RBM33: variants seen among roughly 807,000 people sequenced by gnomAD.
The protein encoded by RBM33 is RNA-binding protein 33.
RBM33 carries 28 observed loss-of-function variants against 132.6 expected under a neutral mutation model. The ratio of observed to expected loss-of-function variants is 0.21; its 90% CI spans 0.16 to 0.29. RBM33 has a LOEUF of 0.29. RBM33 is among the 10% of genes least tolerant of loss of function. The pLI, the probability that RBM33 is intolerant of heterozygous loss-of-function variation, is 1.00. For synonymous variants in RBM33, 634 were observed against 593.0 expected (o/e 1.07, Z -1.01); for missense variants, 1,291 against 1,518.5 (o/e 0.85, Z 2.49).
rs529309408 is a variant in RBM33 at position 155,745,952 on chromosome 7, C to A, written c.2979+350C>A. 2.0e-5 allele frequency among the ~76,000 whole-genome samples: 3 copies of A among 152,110 alleles called. No homozygotes were observed. Among genetic ancestry groups the A allele is most frequent in the Non-Finnish European group, 4.4e-5 (3 of 68,034 alleles). On this transcript the variant is annotated intron_variant, in intron 14 of 17. Transcript: ENST00000401878. The surrounding 1 kb of genome is among the most constrained non-coding windows in gnomAD (Gnocchi z 4.1). Reference sequence around the variant, plus strand: ...TGCTGAATACTATAGGCAGTTGTCACACAATGATGAGTAGTTGTGTGTCGA... The same window carrying A: ...TGCTGAATACTATAGGCAGTTGTCAAACAATGATGAGTAGTTGTGTGTCGA...
Position 155,737,265 on chromosome 7 carries a change from T to TGTGTGA in RBM33, c.1261-264_1261-263insTGTGAG, listed in dbSNP as rs1563167671. Among the ~76,000 whole-genome samples the TGTGTGA allele has an allele frequency of 6.6e-5, 10 of 150,656 alleles. No individual in the cohort carries two copies. In the East Asian group the frequency reaches 1.6e-3, roughly 24 times the overall value. ...GTGCGCGTGTGTGTGTGTGTGTGTG[T>TGTGTGA]GATTACAATACACTCTGTGGTGTTC... On this transcript the variant is annotated intron_variant, in intron 9 of 17. Transcript: ENST00000401878.
chr7:155,716,304 T>C (rs1390582313), intron 8 of RBM33, among the ~76,000 whole-genome samples: 1 of 143,788 alleles, frequency 7.0e-6, no homozygotes, highest in Non-Finnish European at 1.5e-5. Flanking sequence ...CAGCTGTTTT[T>C]CCTTTTCTGC....
At chr7:155,752,976 TGTGTGTCCAG>T (rs1236935319) in intron 14 of RBM33, among the ~76,000 whole-genome samples, 7 of 152,294 alleles carry the variant, frequency 4.6e-5, no homozygotes, top group Admixed American at 1.3e-4. Flanking sequence ...GGTCTTTTTT[TGTGTGTCCAG>T]GATGTAAGGC....
At chr7:155,726,494 T>A (rs2117005475) in intron 9 of RBM33, among the ~76,000 whole-genome samples, 1 of 152,294 alleles carries the variant, frequency 6.6e-6, no homozygotes, top group South Asian at 2.1e-4. Context: ...GAATAATAAT[T>A]TCTTACCTTG....
At position 155,738,151 on chromosome 7, in the gene RBM33, C is replaced by T. The variant is rs1801190064; in HGVS notation, c.1485C>T (p.Ser495=). The change falls in exon 11 of 18, where the codon AGC becomes AGT. Residue 495 remains serine (S), a synonymous_variant. Coordinates refer to ENST00000401878, the MANE Select transcript of RBM33 (RefSeq NM_053043.3). ...PPPPPTLLNS[S]HPVPTQSPLP... is the part of the protein sequence containing the mutation. ...CGCCTCCTACCCTTCTTAACAGTAG[C>T]CATCCTGTTCCTACTCAGAGTCCTC... 6.8e-6 allele frequency: 11 copies of T among 1,613,924 alleles called. No homozygotes were observed. The highest frequency in any genetic ancestry group is 1.6e-4 in the Middle Eastern group (1 of 6,062).
chr7:155,716,332 T>TTTTTTTTTTTTA (rs1554477955), intron 8 of RBM33, among the ~76,000 whole-genome samples: 5 of 149,934 alleles, frequency 3.3e-5, no homozygotes, highest in South Asian at 2.1e-4. Context: ...TTTTTTTTTT[T>TTTTTTTTTTTTA]AAATAGGGAA....
At chr7:155,752,053 T>A (rs543375631) in intron 14 of RBM33, among the ~76,000 whole-genome samples, 1 of 152,252 alleles carries the variant, frequency 6.6e-6, no homozygotes, top group Non-Finnish European at 1.5e-5. Flanking sequence ...GATTTTAGAA[T>A]TGTACCAGAT....
chr7:155,676,820 C>G (rs777339033), intron 3 of RBM33, among the ~76,000 whole-genome samples: 2 of 152,212 alleles, frequency 1.3e-5, no homozygotes, highest in Non-Finnish European at 2.9e-5. Context: ...TGCTTATCAC[C>G]TCCTGTGTCT....
intron 8 of RBM33, among the ~76,000 whole-genome samples, chr7:155,715,064 T>C (rs115625727): frequency 6.6e-6 from 1 of 151,990 alleles, no homozygotes; most frequent in African/African-American, 2.4e-5. Flanking sequence ...TCCCCCAAAG[T>C]TTTTCCCACC....
At position 155,673,940 on chromosome 7, in the gene RBM33, G is replaced by GTTTTTTTTTTTTT. The variant is rs71186053; in HGVS notation, c.171+1045_171+1057dup. 4.8e-4 allele frequency among the ~76,000 whole-genome samples: 26 copies of GTTTTTTTTTTTTT among 54,192 alleles called. 1 individual carries two copies. The highest frequency in any genetic ancestry group is 2.0e-3 in the East Asian group (3 of 1,480). 35.6% of individuals were successfully genotyped at this position (54,192 alleles called of 152,430 possible). On this transcript the variant is annotated intron_variant, in intron 3 of 17. Transcript: ENST00000401878. ...TCATTATCAAGATAGTTTAGGCTTAGTTTTTTTTTTTTTTTTTTTTTTTTT... is the reference window on the plus strand; with the variant it reads ...TCATTATCAAGATAGTTTAGGCTTAGTTTTTTTTTTTTTTTTTTTTTTTTTTTTTTTTTTTTTT...
intron 1 of RBM33, among the ~76,000 whole-genome samples, chr7:155,657,612 A>G (rs1183731266): frequency 6.6e-6 from 1 of 152,118 alleles, no homozygotes. Flanking sequence ...ACCTCAAGCA[A>G]TCCTCGCTTC....
intron 14 of RBM33, among the ~76,000 whole-genome samples, chr7:155,756,196 C>T (rs946691285): frequency 6.6e-6 from 1 of 152,184 alleles, no homozygotes; most frequent in African/African-American, 2.4e-5. Context: ...TAACAGCCTT[C>T]TAAAATTCAA....
chr7:155,684,910 G>T (rs750216016), intron 5 of RBM33: 1 of 1,544,946 alleles, frequency 6.5e-7, no homozygotes, highest in South Asian at 1.2e-5. Context: ...AGAAAAACTT[G>T]TTTTCTCTTT....
rs117413469 is a variant in RBM33, at chr7:155,718,297, A to G, written c.1202-88A>G. 5,003 of 974,334 alleles carry G rather than the reference A, an allele frequency of 5.1e-3. 29 individuals carry two copies. The highest frequency in any genetic ancestry group is 6.4e-3 in the Non-Finnish European group (3,807 of 597,992). The allele number at this position is 974,334 out of a possible 1,614,324, so 60.4% of individuals were successfully genotyped here. A position where few individuals can be genotyped will look rare whatever the true frequency, so the allele number is the denominator to read the frequency against. On this transcript the variant is annotated intron_variant, in intron 8 of 17. Coordinates refer to ENST00000401878, the MANE Select transcript of RBM33 (RefSeq NM_053043.3). Reference sequence around the variant, plus strand: ...ATTATATGTCTGGTACGCATAGTATATATTTTATATTAAACTTCATATGTT... The same window carrying G: ...ATTATATGTCTGGTACGCATAGTATGTATTTTATATTAAACTTCATATGTT...
In RBM33 at chr7:155,644,670, C is replaced by T; in HGVS notation, c.-207C>T. On this transcript the variant is annotated 5_prime_UTR_variant, in exon 1 of 18. Transcript: ENST00000401878. ...CAGGGTGCACCGCGGCGGGCGCGGG[C>T]GCGCGGCCATGTTGCGGTAGTTTGT... 2.4e-6 allele frequency: 1 copy of T among 420,742 alleles called. No homozygotes were observed. The highest frequency in any genetic ancestry group is 4.2e-6 in the Non-Finnish European group (1 of 238,258). The allele number at this position is 420,742 out of a possible 1,614,324, so 26.1% of individuals were successfully genotyped here.
chr7:155,705,801 G>A (rs1800095547), intron 6 of RBM33, among the ~76,000 whole-genome samples: 1 of 152,188 alleles, frequency 6.6e-6, no homozygotes, highest in Admixed American at 6.5e-5. Context: ...CATGTTTTCT[G>A]TATCCCTAAA....
chr7:155,766,366 A>G (rs1199098087), intron 15 of RBM33, 101 bp from the exon 16 acceptor site: 58 of 1,321,152 alleles, frequency 4.4e-5, no homozygotes, highest in Non-Finnish European at 5.8e-5. Flanking sequence ...CTCATGGTAT[A>G]TTTTAATGGA....
intron 6 of RBM33, 53 bp from the exon 7 acceptor site, chr7:155,706,807 C>A: frequency 7.0e-7 from 1 of 1,424,284 alleles, no homozygotes; most frequent in Non-Finnish European, 9.6e-7. Flanking sequence ...CTCCCTAGAC[C>A]TCCAGTTTGG....
At chr7:155,685,402 G>T (rs568311947) in intron 5 of RBM33, among the ~76,000 whole-genome samples, 13 of 152,320 alleles carry the variant, frequency 8.5e-5, no homozygotes, top group African/African-American at 2.9e-4. Context: ...CAAGGTTTCT[G>T]TAATTAGGTG....
Sources: gnomAD v4.1 joint callset for allele counts (sites outside exome capture counted in the v4.1 genomes callset) on GRCh38, gnomAD v4.1.1 for gene constraint, Gnocchi (gnomAD v3.1) non-coding constraint, MANE v1.5 for transcripts, NCBI Gene and HGNC (gene_info 2026-07-23, HGNC 2026-07-21) for gene names.